The following RADX variants were observed in gnomAD, a reference collection of about 807,000 sequenced individuals.
The protein encoded by RADX is RPA1 related single stranded DNA binding protein, X-linked.
Under a neutral mutation model 61.6 loss-of-function variants are expected in RADX, and 36 were observed. That is an observed-to-expected ratio of 0.58 (90% confidence interval 0.45 to 0.77). The LOEUF (loss-of-function observed/expected upper bound fraction) is 0.77. Among genes scored for constraint, RADX ranks in the 30% least tolerant of loss-of-function variants. The pLI is 0.00. For synonymous variants in RADX, 272 were observed against 237.9 expected (o/e 1.14, Z -1.32); for missense variants, 497 against 651.1 (o/e 0.76, Z 2.58).
At chrX:106,662,557 A>G (rs1362891254) in intron 12 of RADX, among the ~76,000 whole-genome samples, 4 of 110,085 alleles carry the variant, frequency 3.6e-5, no homozygotes, top group Non-Finnish European at 5.7e-5. Context: ...AATTTTCCTC[A>G]TTCCTGACTA....
At chrX:106,614,699 T>G (rs761633580) in intron 1 of RADX, among the ~76,000 whole-genome samples, 45 of 111,706 alleles carry the variant, frequency 4.0e-4, no homozygotes, top group Middle Eastern at 9.3e-3. Flanking sequence ...TTTTTCTAAT[T>G]AATTTATAGG....
chrX:106,658,255 G>T (rs970011279), intron 11 of RADX, among the ~76,000 whole-genome samples: 2 of 111,582 alleles, frequency 1.8e-5, no homozygotes, highest in Non-Finnish European at 3.8e-5. Flanking sequence ...ACTATAACTG[G>T]ATATTGATAA....
At chrX:106,633,051 A>T in intron 5 of RADX, 28 bp downstream of exon 5, 1 of 1,181,382 alleles carries the variant, frequency 8.5e-7, no homozygotes, top group East Asian at 3.0e-5. Context: ...AAAATCATAA[A>T]AAGTATTTCA....
intron 11 of RADX, among the ~76,000 whole-genome samples, chrX:106,649,564 T>G (rs763269383): frequency 1.8e-5 from 2 of 112,006 alleles, no homozygotes; most frequent in Admixed American, 1.9e-4. Flanking sequence ...CAGCCATTTA[T>G]TGAGCATTTA....
intron 7 of RADX, among the ~76,000 whole-genome samples, chrX:106,637,054 G>A (rs1224729136): frequency 9.0e-6 from 1 of 111,530 alleles, no homozygotes; most frequent in African/African-American, 3.3e-5. Flanking sequence ...AAGATCTTAT[G>A]TTTTATTTAT....
intron 8 of RADX, 42 bp from the exon 9 acceptor site, chrX:106,639,485 T>A (rs1182106438): frequency 9.5e-7 from 1 of 1,051,909 alleles, no homozygotes; most frequent in East Asian, 3.3e-5. Context: ...TTTTATCATT[T>A]CAGTTCTTTA....
intron 3 of RADX, among the ~76,000 whole-genome samples, chrX:106,625,926 C>G (rs1927065798): frequency 9.0e-6 from 1 of 111,066 alleles, no homozygotes; most frequent in Non-Finnish European, 1.9e-5. Context: ...CAAGAGCATT[C>G]TATTACATAA....
rs1928553701 is a variant in RADX at position 106,678,154 on chromosome X, C to T, written c.2464C>T (p.Leu822=). 8.5e-7 allele frequency: 1 copy of T among 1,181,870 alleles called. No individual in the cohort carries two copies. The highest frequency in any genetic ancestry group is 1.1e-6 in the Non-Finnish European group (1 of 870,033). ...TGATATTATAAAAGCAGCAACTGAA[C>T]TGGATAGAGTGCATATCGTCGGTAT... The part of the protein sequence containing the change: ...AGDIIKAATE[L]DRVHIVGILD... Residue 822 remains leucine, a synonymous_variant, in exon 14 of 14, where the codon CTG becomes TTG. Transcript: ENST00000372548.
At chrX:106,637,665 A>G (rs1322265130) in intron 7 of RADX, 95 bp from the exon 8 acceptor site, 3 of 707,920 alleles carry the variant, frequency 4.2e-6, no homozygotes, top group Non-Finnish European at 6.2e-6. Context: ...GGATTGTTTT[A>G]ATAGTAAACT....
chrX:106,656,481 A>C (rs931377535), intron 11 of RADX, among the ~76,000 whole-genome samples: 6 of 112,238 alleles, frequency 5.3e-5, no homozygotes, highest in Non-Finnish European at 1.1e-4. Context: ...TCAAATTTCC[A>C]GGAGGTTTTC....
chrX:106,678,539 G>A lies in RADX; in HGVS notation c.*281G>A, dbSNP rs761413488. The A allele has an allele frequency of 2.0e-4, 35 of 171,122 alleles. No individual in the cohort carries two copies. The highest frequency in any genetic ancestry group is 3.1e-4 in the Non-Finnish European group (28 of 91,361). 14.1% of individuals were successfully genotyped at this position (171,122 alleles called of 1,213,427 possible). Reference sequence around the variant, plus strand: ...ATTATCTTGACTTCTGGTAATTTATGTTCACTATTCCATTTGTGAAGTGTA... The same window carrying A: ...ATTATCTTGACTTCTGGTAATTTATATTCACTATTCCATTTGTGAAGTGTA... On this transcript the variant is annotated 3_prime_UTR_variant, in exon 14 of 14. Transcript: ENST00000372548.
At chrX:106,622,002 AGCCTGGCTGCAGTGAGCTCAGCT>A (rs1195440797) in intron 1 of RADX, among the ~76,000 whole-genome samples, 1 of 103,229 alleles carries the variant, frequency 9.7e-6, no homozygotes, top group Non-Finnish European at 2.0e-5. Flanking sequence ...GGTTCACTGC[AGCCTGGCTGCAGTGAGCTCAGCT>A]GCCTGGGCTC....
At chrX:106,635,202 C>T (rs145062101) in intron 6 of RADX, among the ~76,000 whole-genome samples, 236 of 110,679 alleles carry the variant, frequency 2.1e-3, no homozygotes, top group Non-Finnish European at 2.6e-3. Context: ...TTACCATGTA[C>T]CAGATGCTTA....
rs1475490626 is a variant in RADX at position 106,632,986 on chromosome X, A to G, written c.1143A>G (p.Leu381=). The part of the protein sequence containing the change: ...ENCICDVIGL[L]VFVGRVQRSK... ...GCATCTGTGATGTTATTGGCCTTTTAGTTTTTGTAGGAAGGGTCCAGCGGT... is the reference window on the plus strand; with the variant it reads ...GCATCTGTGATGTTATTGGCCTTTTGGTTTTTGTAGGAAGGGTCCAGCGGT... The change falls in exon 5 of 14, where the codon TTA becomes TTG. Residue 381 remains leucine, a synonymous_variant. Transcript: ENST00000372548. 8.3e-7 allele frequency: 1 copy of G among 1,210,004 alleles called. No individual in the cohort carries two copies. The highest frequency in any genetic ancestry group is 1.1e-6 in the Non-Finnish European group (1 of 893,951).
intron 11 of RADX, among the ~76,000 whole-genome samples, chrX:106,661,513 C>T (rs1928097191): frequency 9.1e-6 from 1 of 109,438 alleles, no homozygotes; most frequent in South Asian, 4.0e-4. Context: ...AGGCATGAGC[C>T]ACCATGCCCA....
chrX:106,642,187 A>T (rs1196149841), intron 10 of RADX, among the ~76,000 whole-genome samples: 1 of 111,233 alleles, frequency 9.0e-6, no homozygotes, highest in African/African-American at 3.3e-5. Flanking sequence ...CAAGCATACA[A>T]TGTGAAATAA....
chrX:106,655,869 G>T (rs916905987), intron 11 of RADX, among the ~76,000 whole-genome samples: 1 of 111,691 alleles, frequency 9.0e-6, no homozygotes, highest in East Asian at 2.8e-4. Context: ...AAATGGGATG[G>T]CTGGGTCAAA....
intron 5 of RADX, 22 bp from the exon 6 acceptor site, chrX:106,633,107 AT>A (rs1167251965): frequency 4.2e-6 from 5 of 1,185,989 alleles, no homozygotes; most frequent in Non-Finnish European, 5.7e-6. Context: ...ACCTTCATTT[AT>A]TTTAATATTC....
chrX:106,673,971 G>A (rs948718013), intron 13 of RADX, among the ~76,000 whole-genome samples: 5 of 110,865 alleles, frequency 4.5e-5, no homozygotes, highest in Non-Finnish European at 9.4e-5. Flanking sequence ...CCTCACAATT[G>A]CTGGATCTCC....
Sources: allele counts gnomAD v4.1 joint callset (sites outside exome capture counted in the v4.1 genomes callset), GRCh38; gene constraint gnomAD v4.1.1; transcripts MANE v1.5; gene names NCBI Gene and HGNC (gene_info 2026-07-23, HGNC 2026-07-21).